Variants in TRAP1 observed in about 807,000 individuals in gnomAD.
TRAP1 encodes heat shock protein 75 kDa, mitochondrial.
A neutral mutation model predicts 89.1 loss-of-function variants in TRAP1; 102 were observed. The observed-to-expected ratio is 1.15, with a 90% confidence interval of 0.98 to 1.35. TRAP1 has a LOEUF of 1.35. Ranked by LOEUF, TRAP1 falls within the 40% of genes most tolerant of loss-of-function variation. The pLI, the probability that TRAP1 is intolerant of heterozygous loss-of-function variation, is 0.00. For missense variants in TRAP1, 1,256 were observed against 945.3 expected, an observed-to-expected ratio of 1.33 and a Z score of -4.31; for synonymous variants, 508 against 388.0, an observed-to-expected ratio of 1.31 and a Z score of -3.64.
In TRAP1 at chr16:3,697,928, G is replaced by C. The variant is rs567014114; in HGVS notation, c.89-6943C>G. On this transcript the variant is annotated intron_variant, in intron 1 of 17. Transcript: ENST00000246957. ...CTCAGCCTCCCAAGTAGCTGGGATT[G>C]CAGGTGTGCACCACCATGCCCGGCT... is the stretch of plus-strand genomic sequence containing the variant. Among the ~76,000 whole-genome samples the C allele has an allele frequency of 9.3e-5, 14 of 151,224 alleles. 1 individual carries two copies. The South Asian group carries it at 2.7e-3, about 29-fold the overall frequency.
chr16:3,688,915 A>G (rs556588556), intron 3 of TRAP1, 140 bp downstream of exon 3: 4 of 645,568 alleles, frequency 6.2e-6, no homozygotes, highest in African/African-American at 5.5e-5. Flanking sequence ...TCTCACTGGT[A>G]GCTTAAGATG....
intron 1 of TRAP1, among the ~76,000 whole-genome samples, chr16:3,716,089 C>G (rs893016723): frequency 1.3e-5 from 2 of 152,138 alleles, no homozygotes; most frequent in African/African-American, 4.8e-5. Flanking sequence ...TCTTGAACTC[C>G]TGATCTGCCC....
At chr16:3,698,669 G>T (rs1419389274) in intron 1 of TRAP1, among the ~76,000 whole-genome samples, 8 of 152,022 alleles carry the variant, frequency 5.3e-5, no homozygotes, top group African/African-American at 1.9e-4. Context: ...CACTTTGGGA[G>T]GCCAAGGCCG....
intron 15 of TRAP1, 143 bp from the exon 16 acceptor site, chr16:3,662,275 CCCCATTA>C: frequency 1.0e-6 from 1 of 968,322 alleles, no homozygotes; most frequent in Non-Finnish European, 1.5e-6. Flanking sequence ...GCTGCTCCCT[CCCCATTA>C]CCCACTAACT....
chr16:3,679,741 G>C lies in TRAP1; in HGVS notation c.521C>G (p.Thr174Arg), dbSNP rs766273732. 2.5e-6 allele frequency: 4 copies of C among 1,614,094 alleles called. No homozygotes were observed. The highest frequency in any genetic ancestry group is 3.4e-6 in the Non-Finnish European group (4 of 1,180,012). The change falls in exon 5 of 18, where the codon ACG (threonine) becomes AGG (arginine). Residue 174 changes from threonine to arginine, a missense_variant. Coordinates refer to ENST00000246957, the MANE Select transcript of TRAP1 (RefSeq NM_016292.3). ...TQEELVSNLG[T>R]IARSGSKAFL... ...TACCTTTGACCCCGATCTGGCAATC[G>C]TCCCCAGGTTGGACACCAGCTCTTC...
chr16:3,673,789 G>T (rs564284636), intron 9 of TRAP1, among the ~76,000 whole-genome samples: 1 of 152,328 alleles, frequency 6.6e-6, no homozygotes, highest in East Asian at 1.9e-4. Context: ...CCTTACGGCA[G>T]GATTTGCGGG....
In TRAP1 at chr16:3,666,016, C is replaced by T. The variant is rs1297043967; in HGVS notation, c.1338G>A (p.Leu446=). Residue 446 remains leucine (L), a synonymous_variant, in exon 12 of 18, where the codon CTG becomes CTA. Coordinates refer to ENST00000246957, the MANE Select transcript of TRAP1 (RefSeq NM_016292.3). ...KYAKFFEDYG[L]FMREGIVTAT... ...CGGTCACAATGCCCTCCCGCATGAA[C>T]AGGCCGTAATCTTCAAAAAACTTTG... 1 of 1,614,200 alleles carries T rather than the reference C, an allele frequency of 6.2e-7. No homozygotes were observed. The highest frequency in any genetic ancestry group is 1.3e-5 in the African/African-American group (1 of 75,068).
At chr16:3,698,334 TAG>T (rs1283095698) in intron 1 of TRAP1, among the ~76,000 whole-genome samples, 4 of 151,318 alleles carry the variant, frequency 2.6e-5, no homozygotes, top group Non-Finnish European at 5.9e-5. Flanking sequence ...TTTTTTTTTT[TAG>T]AGTCTCACTC....
chr16:3,675,786 A>G (rs1459428537), intron 7 of TRAP1, among the ~76,000 whole-genome samples: 1 of 152,210 alleles, frequency 6.6e-6, no homozygotes, highest in African/African-American at 2.4e-5. Context: ...ACTAAAGGCC[A>G]AGGGCCACGC....
At chr16:3,682,889 C>A (rs1335912043) in intron 4 of TRAP1, among the ~76,000 whole-genome samples, 1 of 152,022 alleles carries the variant, frequency 6.6e-6, no homozygotes, top group Non-Finnish European at 1.5e-5. Context: ...CCAGGTCAGG[C>A]TGGGTGCGGT....
intron 1 of TRAP1, among the ~76,000 whole-genome samples, chr16:3,692,593 G>T (rs2051229645): frequency 8.3e-6 from 1 of 120,114 alleles, no homozygotes; most frequent in African/African-American, 3.4e-5. Flanking sequence ...ACAAAAACTT[G>T]CCTTTTTTTT....
chr16:3,677,663 G>C lies in TRAP1; in HGVS notation c.544-5C>G. On this transcript the variant is annotated splice_polypyrimidine_tract_variant and splice_region_variant and intron_variant, in intron 5 of 17. Transcript: ENST00000246957. ...CTGCAGAGCATCCAGGAAGGCCTGTGGGGCAGAGGCCAGTTAGTGAGGCAG... is the reference window on the plus strand; with the variant it reads ...CTGCAGAGCATCCAGGAAGGCCTGTCGGGCAGAGGCCAGTTAGTGAGGCAG... The C allele has an allele frequency of 1.9e-6, 3 of 1,612,588 alleles. No individual in the cohort carries two copies. The highest frequency in any genetic ancestry group is 1.7e-6 in the Non-Finnish European group (2 of 1,179,588).
At position 3,664,270 on chromosome 16, in the gene TRAP1, C is replaced by A; in HGVS notation, c.1569+4G>T. The A allele has an allele frequency of 6.3e-7, 1 of 1,580,108 alleles. No individual in the cohort carries two copies. The highest frequency in any genetic ancestry group is 1.1e-5 in the South Asian group (1 of 87,478). On this transcript the variant is annotated splice_donor_region_variant and intron_variant, in intron 13 of 17. Transcript: ENST00000246957. ...GGAGCCCGCCCCACCCACCGCTCAC[C>A]CACCTCTGTGTCTTTCTTCTTCATG...
intron 5 of TRAP1, chr16:3,678,698 T>TG (rs980024314): frequency 1.3e-5 from 2 of 152,232 alleles, no homozygotes; most frequent in African/African-American, 4.8e-5. Flanking sequence ...CCTGACCTCG[T>TG]GATCCACCTG....
At chr16:3,666,197 C>A in intron 11 of TRAP1, 79 bp from the exon 12 acceptor site, 1 of 1,499,466 alleles carries the variant, frequency 6.7e-7, no homozygotes, top group South Asian at 1.3e-5. Flanking sequence ...AAAAAATGTT[C>A]AGCCCCGCTA....
At chr16:3,680,380 A>G (rs2051059123) in intron 4 of TRAP1, among the ~76,000 whole-genome samples, 1 of 152,260 alleles carries the variant, frequency 6.6e-6, no homozygotes, top group South Asian at 2.1e-4. Context: ...AATTAGGAAA[A>G]GCACAGCTCT....
intron 1 of TRAP1, among the ~76,000 whole-genome samples, chr16:3,709,696 G>A (rs1462080835): frequency 6.6e-6 from 1 of 152,022 alleles, no homozygotes; most frequent in Admixed American, 6.6e-5. Context: ...TTGTTGCCAG[G>A]CTGGAGTGCA....
intron 2 of TRAP1, among the ~76,000 whole-genome samples, chr16:3,689,406 G>A (rs1194588757): frequency 4.6e-5 from 7 of 151,944 alleles, no homozygotes; most frequent in South Asian, 4.2e-4. Flanking sequence ...CACCACGCCC[G>A]GCTAATTTTT....
At position 3,658,854 on chromosome 16, in the gene TRAP1, A is replaced by T; in HGVS notation, c.1952T>A (p.Ile651Asn). 6.2e-7 allele frequency: 1 copy of T among 1,614,056 alleles called. No individual in the cohort carries two copies. The highest frequency in any genetic ancestry group is 8.5e-7 in the Non-Finnish European group (1 of 1,180,012). ...TLEINPRHAL[I>N]KKLNQLRASE... is the part of the protein sequence containing the mutation. Reference sequence around the variant, plus strand: ...TGCGCGCAGCTGATTCAGCTTCTTGATGAGCGCGTGCCTGCAACACAGAAC... The same window carrying T: ...TGCGCGCAGCTGATTCAGCTTCTTGTTGAGCGCGTGCCTGCAACACAGAAC... The change falls in exon 17 of 18, where the codon ATC becomes AAC. Residue 651 changes from isoleucine (I) to asparagine (N), a missense_variant. By Grantham distance (149) the Ile-to-Asn change is moderately radical (BLOSUM62 -3). Coordinates refer to ENST00000246957, the MANE Select transcript of TRAP1 (RefSeq NM_016292.3).
Sources: allele counts gnomAD v4.1 joint callset (sites outside exome capture counted in the v4.1 genomes callset), GRCh38; gene constraint gnomAD v4.1.1; transcripts MANE v1.5; gene names NCBI Gene and HGNC (gene_info 2026-07-23, HGNC 2026-07-21).